Variants in ADAMTSL1 observed in about 807,000 individuals in gnomAD.
The protein encoded by ADAMTSL1 is ADAMTS-like protein 1.
A neutral mutation model predicts 201.8 loss-of-function variants in ADAMTSL1; 126 were observed. The ratio of observed to expected loss-of-function variants is 0.62; its 90% CI spans 0.54 to 0.72. The LOEUF (loss-of-function observed/expected upper bound fraction) is 0.72, where lower values mean the gene tolerates loss of function less well. Among genes scored for constraint, ADAMTSL1 ranks in the 30% least tolerant of loss-of-function variants. ADAMTSL1 has a pLI of 0.00. For synonymous variants in ADAMTSL1, 1,121 were observed against 903.4 expected (o/e 1.24, Z -4.32); for missense variants, 2,679 against 2,277.8 (o/e 1.18, Z -3.59).
At chr9:18,622,151 G>T (rs1224522376) in intron 4 of ADAMTSL1, 92 bp from the exon 5 acceptor site, 2 of 1,526,084 alleles carry the variant, frequency 1.3e-6, no homozygotes, top group East Asian at 2.3e-5. Flanking sequence ...CCTCAGGGAT[G>T]AAGGGAGGGT....
chr9:18,825,641 T>G (rs1477485978), intron 21 of ADAMTSL1, among the ~76,000 whole-genome samples: 2 of 152,014 alleles, frequency 1.3e-5, no homozygotes, highest in Non-Finnish European at 2.9e-5. Flanking sequence ...AAGTGAACAC[T>G]CCCCACCAGA....
At chr9:18,516,017 T>C (rs1478660621) in intron 2 of ADAMTSL1, among the ~76,000 whole-genome samples, 3 of 151,072 alleles carry the variant, frequency 2.0e-5, no homozygotes, top group African/African-American at 7.3e-5. Flanking sequence ...ATCCACAGAG[T>C]TGAGTTGAGT....
chr9:18,783,669 T>C (rs1216414952), intron 19 of ADAMTSL1, among the ~76,000 whole-genome samples: 4 of 152,176 alleles, frequency 2.6e-5, no homozygotes, highest in Middle Eastern at 3.2e-3. Flanking sequence ...GCTGTTAGGT[T>C]AACTTGCTCA....
chr9:18,101,402 G>A (rs1186184106), intron 1 of ADAMTSL1, among the ~76,000 whole-genome samples: 1 of 151,744 alleles, frequency 6.6e-6, no homozygotes, highest in Non-Finnish European at 1.5e-5. Flanking sequence ...GGTGTCTGAG[G>A]CAGGAGAATA....
At chr9:18,232,075 A>C (rs969849650) in intron 2 of ADAMTSL1, among the ~76,000 whole-genome samples, 1 of 152,186 alleles carries the variant, frequency 6.6e-6, no homozygotes, top group Non-Finnish European at 1.5e-5. Context: ...TGTCACTCAA[A>C]GTAAAAGCCA....
At chr9:18,807,784 G>A (rs1024111276) in intron 20 of ADAMTSL1, among the ~76,000 whole-genome samples, 3 of 152,050 alleles carry the variant, frequency 2.0e-5, no homozygotes, top group Non-Finnish European at 2.9e-5. Flanking sequence ...AGCCCTTTTG[G>A]TACAGCGTGC....
At chr9:18,647,669 T>A in intron 7 of ADAMTSL1, among the ~76,000 whole-genome samples, 1 of 151,208 alleles carries the variant, frequency 6.6e-6, no homozygotes, top group East Asian at 1.9e-4. Context: ...AGGAGCAGGT[T>A]GTTCAGTTTC....
intron 2 of ADAMTSL1, among the ~76,000 whole-genome samples, chr9:18,180,642 A>G (rs985558048): frequency 2.0e-5 from 3 of 152,190 alleles, no homozygotes; most frequent in African/African-American, 7.2e-5. Flanking sequence ...AAGAGGATAC[A>G]AACAAATGGA....
chr9:18,589,010 G>T lies in ADAMTSL1; in HGVS notation c.474+14744G>T, dbSNP rs541063216. Among the ~76,000 whole-genome samples the T allele has an allele frequency of 4.0e-5, 6 of 149,710 alleles. No individual in the cohort carries two copies. In the South Asian group the frequency reaches 1.3e-3, roughly 31 times the overall value. Reference sequence around the variant, plus strand: ...CTGCAACCTCCACCCCTTAGTATCTGGGATTACAGGTGTCCACTACCATGA... The same window carrying T: ...CTGCAACCTCCACCCCTTAGTATCTTGGATTACAGGTGTCCACTACCATGA... On this transcript the variant is annotated intron_variant, in intron 4 of 28. Coordinates refer to ENST00000380548, the MANE Select transcript of ADAMTSL1 (RefSeq NM_001040272.6).
chr9:18,298,922 G>A (rs1391025859), intron 2 of ADAMTSL1, among the ~76,000 whole-genome samples: 1 of 151,470 alleles, frequency 6.6e-6, no homozygotes, highest in Non-Finnish European at 1.5e-5. Context: ...TGAGGCAGGA[G>A]AATGGCGTGA....
In ADAMTSL1 at chr9:18,108,590, G is replaced by A. The variant is rs75273532; in HGVS notation, c.88-55272G>A. On this transcript the variant is annotated intron_variant, in intron 1 of 29. Coordinates refer to the ADAMTSL1 transcript ENST00000680146. ...GTCTGTGTCTAGTAAATAGGTGGTT[G>A]GAGAGGCCTTGGACTTCTAAATTCT... Among the ~76,000 whole-genome samples the A allele has an allele frequency of 5.1e-3, 782 of 152,096 alleles. 8 individuals carry two copies. The highest frequency in any genetic ancestry group is 0.018 in the African/African-American group (751 of 41,500).
At chr9:18,372,927 G>C (rs1008897035) in intron 2 of ADAMTSL1, among the ~76,000 whole-genome samples, 1 of 152,112 alleles carries the variant, frequency 6.6e-6, no homozygotes, top group Non-Finnish European at 1.5e-5. Context: ...TATTCACAAT[G>C]CTTGGGCTGA....
chr9:18,760,380 G>A (rs1213697866), intron 16 of ADAMTSL1, among the ~76,000 whole-genome samples: 15 of 151,910 alleles, frequency 9.9e-5, no homozygotes, highest in Admixed American at 9.8e-4. Context: ...TTCCCAACTT[G>A]GTATTGATGA....
chr9:18,387,314 C>T (rs1207824753), intron 2 of ADAMTSL1, among the ~76,000 whole-genome samples: 1 of 152,072 alleles, frequency 6.6e-6, no homozygotes, highest in African/African-American at 2.4e-5. Context: ...ACCAGTCTTA[C>T]AGACATATAG....
At chr9:18,316,019 G>A (rs1402540820) in intron 2 of ADAMTSL1, among the ~76,000 whole-genome samples, 2 of 152,216 alleles carry the variant, frequency 1.3e-5, no homozygotes, top group Non-Finnish European at 1.5e-5. Context: ...AAATTTTAAA[G>A]CTGGGCGTCG....
chr9:18,625,430 CT>C (rs1481307182), intron 5 of ADAMTSL1, among the ~76,000 whole-genome samples: 8 of 152,058 alleles, frequency 5.3e-5, no homozygotes, highest in Non-Finnish European at 1.0e-4. Context: ...AAAAAATCAT[CT>C]TTTTATTAAA....
chr9:18,715,642 A>G lies in ADAMTSL1; in HGVS notation c.1877-5894A>G, dbSNP rs199868227. Among the ~76,000 whole-genome samples the G allele has an allele frequency of 1.5e-3, 224 of 152,202 alleles. 1 individual carries two copies. The highest frequency in any genetic ancestry group is 5.2e-3 in the African/African-American group (217 of 41,550). On this transcript the variant is annotated intron_variant, in intron 14 of 28. Transcript: ENST00000380548. ...CTCATGGGTAGGAAGAATCAATATC[A>G]TGAAAATGGCCATACTGCCCAAGGT...
intron 2 of ADAMTSL1, among the ~76,000 whole-genome samples, chr9:18,352,359 T>C (rs1185025507): frequency 6.6e-6 from 1 of 152,196 alleles, no homozygotes; most frequent in Non-Finnish European, 1.5e-5. Context: ...AAGTAGTCTT[T>C]GGATAAGGAT....
chr9:17,953,863 G>A (rs1402032755), intron 1 of ADAMTSL1, among the ~76,000 whole-genome samples: 3 of 152,114 alleles, frequency 2.0e-5, no homozygotes, highest in African/African-American at 4.8e-5. Flanking sequence ...CAGCTGAGGA[G>A]GTTTTCTCTG....
Sources: allele counts gnomAD v4.1 joint callset (sites outside exome capture counted in the v4.1 genomes callset), GRCh38; gene constraint gnomAD v4.1.1; transcripts MANE v1.5; gene names NCBI Gene and HGNC (gene_info 2026-07-23, HGNC 2026-07-21).